GPC5: variants seen among roughly 807,000 people sequenced by gnomAD.
GPC5 encodes the protein glypican 5.
Under a neutral mutation model 53.9 loss-of-function variants are expected in GPC5, and 47 were observed. The observed-to-expected ratio is 0.87, with a 90% CI of 0.69 to 1.11. The LOEUF is 1.11. GPC5 is among the 50% of genes most tolerant of loss of function. The pLI is 0.00. For synonymous variants in GPC5, 286 were observed against 263.3 expected (o/e 1.09, Z -0.84); for missense variants, 748 against 713.1 (o/e 1.05, Z -0.56).
chr13:91,430,920 G>A (rs1358495719), intron 1 of GPC5, among the ~76,000 whole-genome samples: 1 of 152,126 alleles, frequency 6.6e-6, no homozygotes, highest in African/African-American at 2.4e-5. Context: ...TGTTACATAG[G>A]CTGGAGTGCA....
intron 7 of GPC5, among the ~76,000 whole-genome samples, chr13:92,713,505 G>T (rs192546701): frequency 1.3e-5 from 2 of 151,180 alleles, no homozygotes. Context: ...CTACTCAGGA[G>T]GCTGAGGCAG....
chr13:92,239,840 T>G (rs558388490), intron 7 of GPC5: 13 of 151,940 alleles, frequency 8.6e-5, no homozygotes, highest in African/African-American at 3.1e-4. Flanking sequence ...ATATGCATTT[T>G]ACATTATCAC....
At position 92,269,433 on chromosome 13, in the gene GPC5, T is replaced by C. The variant is rs566486599; in HGVS notation, c.1561+124444T>C. ...TTGTTTTGTTTTTTTTGAGACAGAGTCTCGCTCTGTCGTCCAGGCTGGAGT... is the reference window on the plus strand; with the variant it reads ...TTGTTTTGTTTTTTTTGAGACAGAGCCTCGCTCTGTCGTCCAGGCTGGAGT... On this transcript the variant is annotated intron_variant, in intron 7 of 7. Transcript: ENST00000377067. Among the ~76,000 whole-genome samples the C allele has an allele frequency of 1.8e-4, 28 of 152,030 alleles. No homozygotes were observed. The East Asian group carries it at 4.7e-3, about 25-fold the overall frequency.
intron 7 of GPC5, among the ~76,000 whole-genome samples, chr13:92,237,989 A>G (rs2042582507): frequency 6.6e-6 from 1 of 151,976 alleles, no homozygotes; most frequent in Admixed American, 6.6e-5. Context: ...TTGTTCATCC[A>G]TGCCGTACAT....
At chr13:92,863,828 T>C (rs1008240274) in intron 7 of GPC5, among the ~76,000 whole-genome samples, 2 of 152,136 alleles carry the variant, frequency 1.3e-5, no homozygotes, top group African/African-American at 4.8e-5. Context: ...CAGGTCTGTC[T>C]CTGTGTAATA....
rs764897453 is a variant in GPC5, at chr13:91,874,806, T to C, written c.1281-33131T>C. ...TTTGCTGAATGGCCTTTTTATCTTA[T>C]GTTGGTAATGATATTCAAGTTTCTT... On this transcript the variant is annotated intron_variant, in intron 5 of 7. Transcript: ENST00000377067. Among the ~76,000 whole-genome samples, 3 of 152,228 alleles carry C rather than the reference T, an allele frequency of 2.0e-5. No individual in the cohort carries two copies. The South Asian group carries it at 6.2e-4, about 31-fold the overall frequency.
chr13:92,622,653 C>A (rs1884913078), intron 7 of GPC5, among the ~76,000 whole-genome samples: 1 of 151,864 alleles, frequency 6.6e-6, no homozygotes, highest in African/African-American at 2.4e-5. Context: ...TAGTCTTGAA[C>A]TCTTGGGCTC....
intron 2 of GPC5, among the ~76,000 whole-genome samples, chr13:91,567,753 T>A (rs1246338879): frequency 6.6e-6 from 1 of 152,170 alleles, no homozygotes; most frequent in Non-Finnish European, 1.5e-5. Context: ...CCTCTCCCAA[T>A]CTCCCAACTC....
At chr13:92,369,099 A>G (rs1021262680) in intron 7 of GPC5, among the ~76,000 whole-genome samples, 2 of 152,272 alleles carry the variant, frequency 1.3e-5, no homozygotes, top group African/African-American at 2.4e-5. Context: ...CAAAGATTTC[A>G]ATTAGTAAAA....
intron 7 of GPC5, among the ~76,000 whole-genome samples, chr13:92,285,156 TA>T (rs1316835575): frequency 1.3e-5 from 2 of 151,898 alleles, no homozygotes; most frequent in Non-Finnish European, 2.9e-5. Flanking sequence ...TCAAAGAGAA[TA>T]AAATACCTAG....
At chr13:92,147,063 T>A (rs567126167) in intron 7 of GPC5, among the ~76,000 whole-genome samples, 1 of 152,074 alleles carries the variant, frequency 6.6e-6, no homozygotes, top group Non-Finnish European at 1.5e-5. Flanking sequence ...AGTCATGAAA[T>A]TGTGTCATTA....
chr13:92,672,050 A>C (rs964083156), intron 7 of GPC5, among the ~76,000 whole-genome samples: 32 of 152,164 alleles, frequency 2.1e-4, no homozygotes, highest in African/African-American at 6.3e-4. Flanking sequence ...GAAATCTGAC[A>C]ATCCATGTTT....
intron 2 of GPC5, among the ~76,000 whole-genome samples, chr13:91,613,374 T>C (rs916849796): frequency 6.6e-6 from 1 of 152,122 alleles, no homozygotes; most frequent in Non-Finnish European, 1.5e-5. Flanking sequence ...ATAAGACTTA[T>C]TCACTATCGC....
rs144674870 is a variant in GPC5 at position 91,954,347 on chromosome 13, G to A, written c.1401+46290G>A. 2.0e-5 allele frequency among the ~76,000 whole-genome samples: 3 copies of A among 152,272 alleles called. No homozygotes were observed. In the East Asian group the frequency reaches 5.8e-4, roughly 29 times the overall value. On this transcript the variant is annotated intron_variant, in intron 6 of 7. Coordinates refer to ENST00000377067, the MANE Select transcript of GPC5 (RefSeq NM_004466.6). ...ACTTCAGATCCTAAACAAAATATGT[G>A]TAACAGGAATCGGTGATATATTGAA...
At chr13:91,794,836 C>A (rs2038022189) in intron 5 of GPC5, among the ~76,000 whole-genome samples, 1 of 152,026 alleles carries the variant, frequency 6.6e-6, no homozygotes, top group African/African-American at 2.4e-5. Flanking sequence ...TGTGTCTTCC[C>A]CATTATCCAG....
chr13:91,572,690 C>T (rs910662589), intron 2 of GPC5, among the ~76,000 whole-genome samples: 1 of 152,094 alleles, frequency 6.6e-6, no homozygotes, highest in African/African-American at 2.4e-5. Flanking sequence ...ACACCATCCA[C>T]TAGGCCTCAC....
At chr13:91,512,514 G>C (rs1885287232) in intron 2 of GPC5, among the ~76,000 whole-genome samples, 1 of 152,340 alleles carries the variant, frequency 6.6e-6, no homozygotes, top group East Asian at 1.9e-4. Context: ...CCCTGCTCCT[G>C]ATTTGTACTG....
At chr13:91,511,816 A>G (rs115104346) in intron 2 of GPC5, among the ~76,000 whole-genome samples, 5 of 152,140 alleles carry the variant, frequency 3.3e-5, no homozygotes, top group African/African-American at 4.8e-5. Context: ...ATGATAATGT[A>G]TACATCTTGG....
At chr13:92,585,820 A>G (rs1401222730) in intron 7 of GPC5, among the ~76,000 whole-genome samples, 1 of 152,074 alleles carries the variant, frequency 6.6e-6, no homozygotes, top group African/African-American at 2.4e-5. Flanking sequence ...ATCTGATGGT[A>G]AGGGGGAGTT....
Sources: allele counts gnomAD v4.1 joint callset (sites outside exome capture counted in the v4.1 genomes callset), GRCh38; gene constraint gnomAD v4.1.1; transcripts MANE v1.5; gene names NCBI Gene and HGNC (gene_info 2026-07-23, HGNC 2026-07-21).